Variants in CNTN5 observed in about 807,000 individuals in gnomAD.
The protein encoded by CNTN5 is contactin-5.
CNTN5 carries 77 observed loss-of-function variants against 129.1 expected under a neutral mutation model. The observed-to-expected ratio is 0.60, with a 90% CI of 0.50 to 0.72. The LOEUF (loss-of-function observed/expected upper bound fraction) is 0.72. CNTN5 is among the 30% of genes least tolerant of loss of function. The pLI, the probability that CNTN5 is intolerant of heterozygous loss-of-function variation, is 0.00. For missense variants in CNTN5, 1,478 were observed against 1,328.8 expected (o/e 1.11, Z -1.75); for synonymous variants, 509 against 465.6 (o/e 1.09, Z -1.20).
intron 1 of CNTN5, among the ~76,000 whole-genome samples, chr11:99,133,326 AT>A (rs1212826769): frequency 6.6e-6 from 1 of 152,226 alleles, no homozygotes; most frequent in African/African-American, 2.4e-5. Flanking sequence ...GGGCAATACC[AT>A]TTAAGACATA....
At chr11:99,104,144 G>A (rs2135360714) in intron 1 of CNTN5, among the ~76,000 whole-genome samples, 1 of 152,214 alleles carries the variant, frequency 6.6e-6, no homozygotes, top group East Asian at 1.9e-4. Flanking sequence ...GTAGACGTGG[G>A]ATTAAATGTA....
intron 1 of CNTN5, among the ~76,000 whole-genome samples, chr11:99,095,622 A>T (rs545157167): frequency 2.6e-5 from 4 of 151,972 alleles, no homozygotes; most frequent in Admixed American, 2.6e-4. Context: ...AGGCTTGTTG[A>T]GTAGAGTGAG....
chr11:100,165,013 G>GTTGA (rs545224194), intron 13 of CNTN5, among the ~76,000 whole-genome samples: 74 of 151,830 alleles, frequency 4.9e-4, no homozygotes, highest in African/African-American at 1.8e-3. Flanking sequence ...TCAGGTTCTA[G>GTTGA]TTGATAGGTT....
intron 2 of CNTN5, among the ~76,000 whole-genome samples, chr11:99,447,674 C>G (rs1156675049): frequency 6.6e-6 from 1 of 152,208 alleles, no homozygotes; most frequent in East Asian, 1.9e-4. Flanking sequence ...CGCCTGTAAT[C>G]CCAGCACTTT....
chr11:99,535,130 T>G (rs1485979352), intron 2 of CNTN5, among the ~76,000 whole-genome samples: 1 of 152,162 alleles, frequency 6.6e-6, no homozygotes, highest in Non-Finnish European at 1.5e-5. Flanking sequence ...GTGAAGTGAT[T>G]ACATTTTAAT....
intron 6 of CNTN5, among the ~76,000 whole-genome samples, chr11:99,888,891 A>G (rs1948970367): frequency 6.6e-6 from 1 of 152,214 alleles, no homozygotes; most frequent in Non-Finnish European, 1.5e-5. Context: ...AGTTTACATT[A>G]TGTCATTTAC....
intron 24 of CNTN5, among the ~76,000 whole-genome samples, chr11:100,352,045 T>C (rs1261581803): frequency 1.3e-5 from 2 of 151,708 alleles, no homozygotes; most frequent in Admixed American, 1.3e-4. Context: ...GGGGTACATG[T>C]GCAGGTTTGT....
intron 2 of CNTN5, among the ~76,000 whole-genome samples, chr11:99,479,460 C>A (rs1945505942): frequency 6.6e-6 from 1 of 151,902 alleles, no homozygotes; most frequent in Non-Finnish European, 1.5e-5. Flanking sequence ...GGCTTTAAAA[C>A]CCTTGTAAAC....
intron 3 of CNTN5, among the ~76,000 whole-genome samples, chr11:99,723,630 G>T (rs1209564590): frequency 6.6e-6 from 1 of 152,008 alleles, no homozygotes; most frequent in Non-Finnish European, 1.5e-5. Context: ...TTGGTTTATT[G>T]TGCATTCTTC....
intron 2 of CNTN5, among the ~76,000 whole-genome samples, chr11:99,518,989 CA>C (rs1947166509): frequency 6.6e-6 from 1 of 152,006 alleles, no homozygotes; most frequent in Admixed American, 6.6e-5. Context: ...TTTGAAAACT[CA>C]AACCTAAGCA....
chr11:100,065,877 TTATG>T (rs1429955845), intron 10 of CNTN5, among the ~76,000 whole-genome samples: 2 of 152,126 alleles, frequency 1.3e-5, no homozygotes, highest in African/African-American at 4.8e-5. Flanking sequence ...AAAATACTGT[TTATG>T]TACGTTAGGT....
At chr11:99,513,549 G>C (rs2135417828) in intron 2 of CNTN5, among the ~76,000 whole-genome samples, 1 of 152,228 alleles carries the variant, frequency 6.6e-6, no homozygotes, top group Non-Finnish European at 1.5e-5. Flanking sequence ...GGCTAATGCA[G>C]CTGGTGACTA....
intron 2 of CNTN5, among the ~76,000 whole-genome samples, chr11:99,511,622 T>C (rs980368417): frequency 2.4e-4 from 37 of 152,040 alleles, no homozygotes; most frequent in African/African-American, 8.7e-4. Context: ...CTCGTTGATC[T>C]GTCTAATGTT....
rs191134497 is a variant in CNTN5, at chr11:99,090,968, G to A, written c.-210+69698G>A. Among the ~76,000 whole-genome samples the A allele has an allele frequency of 2.1e-3, 286 of 137,044 alleles. 5 individuals carry two copies. Among genetic ancestry groups the A allele is most frequent in the Non-Finnish European group, 4.4e-4 (29 of 66,486 alleles). The allele number at this position is 137,044 out of a possible 152,430, so 89.9% of individuals were successfully genotyped here. A position where few individuals can be genotyped will look rare whatever the true frequency, so the allele number is the denominator to read the frequency against. Reference sequence around the variant, plus strand: ...ACCCCGGAGGCGGAGCTTGCAGTGAGCCGAGATCGTGCCACTGCACTCCAG... The same window carrying A: ...ACCCCGGAGGCGGAGCTTGCAGTGAACCGAGATCGTGCCACTGCACTCCAG... On this transcript the variant is annotated intron_variant, in intron 1 of 24. Coordinates refer to ENST00000524871, the MANE Select transcript of CNTN5 (RefSeq NM_014361.4).
chr11:99,101,023 A>T (rs964225426), intron 1 of CNTN5, among the ~76,000 whole-genome samples: 4 of 152,210 alleles, frequency 2.6e-5, no homozygotes, highest in South Asian at 4.1e-4. Flanking sequence ...AAGAGGTTTA[A>T]TGGACTCACA....
intron 6 of CNTN5, among the ~76,000 whole-genome samples, chr11:99,908,296 G>C (rs543137724): frequency 6.6e-6 from 1 of 151,942 alleles, no homozygotes; most frequent in Non-Finnish European, 1.5e-5. Context: ...GTAGTTAAGC[G>C]TGAAAGCTTG....
intron 13 of CNTN5, among the ~76,000 whole-genome samples, chr11:100,137,769 T>G (rs940777257): frequency 2.6e-5 from 4 of 152,120 alleles, no homozygotes; most frequent in Non-Finnish European, 4.4e-5. Context: ...TATGATTAAT[T>G]GAAATACATT....
At chr11:99,670,916 T>C (rs1367387248) in intron 3 of CNTN5, among the ~76,000 whole-genome samples, 1 of 152,190 alleles carries the variant, frequency 6.6e-6, no homozygotes, top group Non-Finnish European at 1.5e-5. Context: ...GAATCCTGCC[T>C]GGCATATAGT....
At chr11:99,899,379 A>G (rs1027860467) in intron 6 of CNTN5, among the ~76,000 whole-genome samples, 2 of 151,888 alleles carry the variant, frequency 1.3e-5, no homozygotes, top group South Asian at 2.1e-4. Context: ...CATGGCTCTT[A>G]TTATTTTGAA....
Sources: allele counts gnomAD v4.1 joint callset (sites outside exome capture counted in the v4.1 genomes callset), GRCh38; gene constraint gnomAD v4.1.1; transcripts MANE v1.5; gene names NCBI Gene and HGNC (gene_info 2026-07-23, HGNC 2026-07-21).